The following TTC28 variants were observed in gnomAD, a reference collection of about 807,000 sequenced individuals.
TTC28 encodes tetratricopeptide repeat protein 28.
TTC28 carries 61 observed loss-of-function variants against 198.0 expected under a neutral mutation model. The observed-to-expected ratio is 0.31, with a 90% CI of 0.25 to 0.38. TTC28 has a LOEUF of 0.38. Among genes scored for constraint, TTC28 ranks in the 10% least tolerant of loss-of-function variants. The probability of loss-of-function intolerance (pLI) is 1.00; values close to 1 mark genes in which losing one functional copy is unlikely to be tolerated. For missense variants in TTC28, 2,678 were observed against 3,164.0 expected (o/e 0.85, Z 3.69); for synonymous variants, 1,171 against 1,297.8 (o/e 0.90, Z 2.10).
intron 14 of TTC28, chr22:28,001,832 C>T (rs1937709574): frequency 4.4e-6 from 2 of 458,466 alleles, no homozygotes; most frequent in Non-Finnish European, 8.0e-6. Context: ...TCACAAGAAC[C>T]TGAAGTGGGT....
chr22:28,047,159 G>A (rs1304332415), intron 12 of TTC28, among the ~76,000 whole-genome samples: 1 of 152,206 alleles, frequency 6.6e-6, no homozygotes, highest in Non-Finnish European at 1.5e-5. Context: ...CACAGGAGGT[G>A]TTGTCATGGC....
chr22:28,290,615 A>G (rs1215369173), intron 5 of TTC28, among the ~76,000 whole-genome samples: 1 of 152,178 alleles, frequency 6.6e-6, no homozygotes, highest in African/African-American at 2.4e-5. Context: ...TATTTTTTTA[A>G]AAAATCACAA....
chr22:28,052,850 C>T (rs1940138059), intron 12 of TTC28, among the ~76,000 whole-genome samples: 1 of 152,236 alleles, frequency 6.6e-6, no homozygotes, highest in African/African-American at 2.4e-5. Context: ...TTATTCATCT[C>T]TTTCTGGAGA....
At chr22:28,603,569 A>G (rs2050678181) in intron 2 of TTC28, among the ~76,000 whole-genome samples, 1 of 151,938 alleles carries the variant, frequency 6.6e-6, no homozygotes, top group Non-Finnish European at 1.5e-5. Flanking sequence ...TTTTTAAATT[A>G]TTTTTTGTAG....
At chr22:28,301,194 T>C (rs1225726057) in intron 3 of TTC28, among the ~76,000 whole-genome samples, 4 of 152,234 alleles carry the variant, frequency 2.6e-5, no homozygotes. Context: ...ACTACAATTA[T>C]TTTCAACTCT....
chr22:28,350,639 G>A (rs983460046), intron 2 of TTC28, among the ~76,000 whole-genome samples: 2 of 151,988 alleles, frequency 1.3e-5, no homozygotes, highest in African/African-American at 4.8e-5. Context: ...AGGGATCCAC[G>A]GCATGCACGC....
At chr22:28,509,055 G>C (rs2048651396) in intron 2 of TTC28, among the ~76,000 whole-genome samples, 1 of 152,112 alleles carries the variant, frequency 6.6e-6, no homozygotes, top group Non-Finnish European at 1.5e-5. Context: ...GCTGAGCACA[G>C]TGGCATGTGC....
At chr22:28,609,646 G>A (rs2050787020) in intron 2 of TTC28, among the ~76,000 whole-genome samples, 1 of 151,924 alleles carries the variant, frequency 6.6e-6, no homozygotes, top group South Asian at 2.1e-4. Flanking sequence ...AAACTGGGTG[G>A]CCATTTGGAC....
chr22:28,319,002 A>AT (rs1023834611), intron 2 of TTC28, among the ~76,000 whole-genome samples: 1 of 151,600 alleles, frequency 6.6e-6, no homozygotes, highest in East Asian at 1.9e-4. Flanking sequence ...ATTAAAAAAA[A>AT]TTTTTTGTAG....
chr22:28,386,721 G>C (rs1484978274), intron 2 of TTC28, among the ~76,000 whole-genome samples: 4 of 152,118 alleles, frequency 2.6e-5, no homozygotes, highest in African/African-American at 9.7e-5. Context: ...ACAGAATCTT[G>C]ATAATCATAT....
At chr22:28,063,315 G>A (rs146501193) in intron 12 of TTC28, among the ~76,000 whole-genome samples, 1 of 152,202 alleles carries the variant, frequency 6.6e-6, no homozygotes, top group East Asian at 1.9e-4. Context: ...CTGTCATCTG[G>A]TTCTTCAGAA....
At chr22:28,563,895 C>A (rs1482857172) in intron 2 of TTC28, among the ~76,000 whole-genome samples, 1 of 152,154 alleles carries the variant, frequency 6.6e-6, no homozygotes, top group African/African-American at 2.4e-5. Context: ...AACAGCCCAA[C>A]TGTCCATTAA....
chr22:28,613,231 C>T (rs2050849228), intron 2 of TTC28, among the ~76,000 whole-genome samples: 1 of 152,092 alleles, frequency 6.6e-6, no homozygotes. Flanking sequence ...CACATACACC[C>T]TCCCAAGACT....
intron 2 of TTC28, among the ~76,000 whole-genome samples, chr22:28,339,936 C>T (rs977901662): frequency 9.9e-5 from 15 of 152,192 alleles, no homozygotes; most frequent in African/African-American, 1.9e-4. Context: ...GAGATGAACC[C>T]GGTACCTCAG....
At chr22:28,140,852 T>C (rs1601374233) in intron 6 of TTC28, among the ~76,000 whole-genome samples, 1 of 152,260 alleles carries the variant, frequency 6.6e-6, no homozygotes, top group East Asian at 1.9e-4. Flanking sequence ...TTGGAAAATA[T>C]AGTTACTGTA....
chr22:28,610,133 G>T (rs1421442710), intron 2 of TTC28, among the ~76,000 whole-genome samples: 1 of 152,184 alleles, frequency 6.6e-6, no homozygotes, highest in Non-Finnish European at 1.5e-5. Flanking sequence ...GACAAAGCAT[G>T]TGGGGGAAGG....
In TTC28 at chr22:28,096,319, C is replaced by A; in HGVS notation, c.3637G>T (p.Asp1213Tyr). The change falls in exon 11 of 23, where the codon GAC becomes TAC. Residue 1213 changes from aspartate to tyrosine, a missense_variant. Transcript: ENST00000397906. ...LLVERQTGQQDSDPYSPVTID... is the reference protein window; with the variant it reads ...LLVERQTGQQYSDPYSPVTID... ...GTGACTGGGGAGTAGGGGTCGGAGT[C>A]TTGTTGTCCTGTTTGTCGTTCCACC... The A allele has an allele frequency of 6.4e-7, 1 of 1,551,992 alleles. No individual in the cohort carries two copies. Among genetic ancestry groups the A allele is most frequent in the South Asian group, 1.2e-5 (1 of 84,052 alleles).
chr22:28,644,100 TATG>T (rs1186086250), intron 1 of TTC28, among the ~76,000 whole-genome samples: 4 of 152,164 alleles, frequency 2.6e-5, no homozygotes, highest in Non-Finnish European at 4.4e-5. Context: ...GAATATCTAC[TATG>T]ATAATACAGA....
At chr22:28,358,420 T>C (rs2046110139) in intron 2 of TTC28, among the ~76,000 whole-genome samples, 2 of 152,224 alleles carry the variant, frequency 1.3e-5, no homozygotes, top group Non-Finnish European at 1.5e-5. Flanking sequence ...ACTGACAGCA[T>C]TACTTGTCAT....
Sources: allele counts gnomAD v4.1 joint callset (sites outside exome capture counted in the v4.1 genomes callset), GRCh38; gene constraint gnomAD v4.1.1; transcripts MANE v1.5; gene names NCBI Gene and HGNC (gene_info 2026-07-23, HGNC 2026-07-21).